The following CEP112 variants were observed in gnomAD, a reference collection of about 807,000 sequenced individuals.
CEP112 encodes centrosomal protein of 112 kDa.
CEP112 carries 127 observed loss-of-function variants against 153.0 expected under a neutral mutation model. That is an observed-to-expected ratio of 0.83 (90% CI 0.72 to 0.96). CEP112 has a LOEUF of 0.96. CEP112 is among the 40% of genes least tolerant of loss of function. The probability of loss-of-function intolerance (pLI) is 0.00; values close to 1 mark genes in which losing one functional copy is unlikely to be tolerated. For missense variants in CEP112, 1,089 were observed against 1,101.2 expected (o/e 0.99, Z 0.16); for synonymous variants, 358 against 374.4 (o/e 0.96, Z 0.51).
intron 23 of CEP112, among the ~76,000 whole-genome samples, chr17:65,734,812 C>T (rs2050706636): frequency 6.6e-6 from 1 of 152,066 alleles, no homozygotes. Context: ...TGTTAATATG[C>T]CAAAACTTGA....
chr17:65,917,937 G>A (rs1348907168), intron 19 of CEP112, among the ~76,000 whole-genome samples: 1 of 152,104 alleles, frequency 6.6e-6, no homozygotes. Flanking sequence ...AGCACTTTGA[G>A]AGGCCAAGGC....
intron 17 of CEP112, among the ~76,000 whole-genome samples, chr17:65,968,867 C>T (rs184566858): frequency 0.013 from 551 of 43,604 alleles, 3 homozygotes; most frequent in South Asian, 0.036. Flanking sequence ...ATTAACTTAC[C>T]ATTTCATATT....
At chr17:65,754,115 A>C (rs1171946349) in intron 21 of CEP112, among the ~76,000 whole-genome samples, 2 of 152,232 alleles carry the variant, frequency 1.3e-5, no homozygotes, top group Non-Finnish European at 2.9e-5. Context: ...TCAATCAAGA[A>C]AGAGAGAGAG....
intron 20 of CEP112, among the ~76,000 whole-genome samples, chr17:65,882,096 GA>G (rs1396646225): frequency 1.3e-5 from 2 of 152,186 alleles, no homozygotes; most frequent in African/African-American, 2.4e-5. Flanking sequence ...AATAAAGGGG[GA>G]AAATTATACT....
intron 24 of CEP112, among the ~76,000 whole-genome samples, chr17:65,653,341 G>A (rs868789443): frequency 1.3e-5 from 2 of 152,196 alleles, no homozygotes; most frequent in African/African-American, 4.8e-5. Flanking sequence ...GGAGGATTAA[G>A]GGAAAATAAC....
intron 12 of CEP112, among the ~76,000 whole-genome samples, chr17:66,030,412 T>A (rs2065414656): frequency 6.6e-6 from 1 of 152,192 alleles, no homozygotes; most frequent in African/African-American, 2.4e-5. Flanking sequence ...TGCGTTTGAT[T>A]TTAAGTTTTT....
chr17:65,805,279 C>A (rs577316910), intron 21 of CEP112, among the ~76,000 whole-genome samples: 2 of 152,144 alleles, frequency 1.3e-5, no homozygotes, highest in Non-Finnish European at 2.9e-5. Context: ...ATCAGAGTTC[C>A]AGTGGCAATG....
intron 21 of CEP112, among the ~76,000 whole-genome samples, chr17:65,784,388 T>A (rs2054161242): frequency 6.6e-6 from 1 of 152,348 alleles, no homozygotes; most frequent in South Asian, 2.1e-4. Flanking sequence ...TATTCATCTT[T>A]CCACTTTAAA....
At chr17:65,948,456 G>T (rs923467219) in intron 18 of CEP112, among the ~76,000 whole-genome samples, 3 of 152,186 alleles carry the variant, frequency 2.0e-5, no homozygotes, top group African/African-American at 4.8e-5. Flanking sequence ...AGATTTAAAA[G>T]ATTTACTTTA....
chr17:66,131,152 T>C (rs2070144490), intron 5 of CEP112, among the ~76,000 whole-genome samples: 1 of 152,198 alleles, frequency 6.6e-6, no homozygotes, highest in Non-Finnish European at 1.5e-5. Context: ...CACTAAAATG[T>C]TCTTCATATT....
At chr17:66,161,239 T>C (rs1364309662) in intron 4 of CEP112, among the ~76,000 whole-genome samples, 1 of 152,010 alleles carries the variant, frequency 6.6e-6, no homozygotes, top group Non-Finnish European at 1.5e-5. Flanking sequence ...TTGGTGGGAG[T>C]GTAAATTAGT....
chr17:66,120,764 G>A (rs1018141231), intron 6 of CEP112, among the ~76,000 whole-genome samples: 1 of 151,936 alleles, frequency 6.6e-6, no homozygotes, highest in Non-Finnish European at 1.5e-5. Flanking sequence ...TGTCAGTCTG[G>A]CTAAAAGTTC....
At chr17:66,109,580 G>A (rs2068931700) in intron 6 of CEP112, among the ~76,000 whole-genome samples, 1 of 151,774 alleles carries the variant, frequency 6.6e-6, no homozygotes, top group African/African-American at 2.4e-5. Context: ...CTGACAAAAT[G>A]ATACCCTAGA....
chr17:66,166,912 A>AAAAAAAC (rs773908204), intron 4 of CEP112, among the ~76,000 whole-genome samples: 4,549 of 150,816 alleles, frequency 0.03, 111 homozygotes, highest in Middle Eastern at 0.055. Flanking sequence ...TCAAAAAAAA[A>AAAAAAAC]AAAAAAAAAA....
intron 8 of CEP112, among the ~76,000 whole-genome samples, chr17:66,090,732 C>G (rs1237250858): frequency 6.6e-6 from 1 of 152,028 alleles, no homozygotes; most frequent in African/African-American, 2.4e-5. Context: ...ATTAAATTCT[C>G]TAATCAAAAG....
intron 23 of CEP112, among the ~76,000 whole-genome samples, chr17:65,727,752 C>G (rs906761045): frequency 2.6e-5 from 4 of 152,146 alleles, no homozygotes; most frequent in African/African-American, 9.7e-5. Context: ...GATTTACAGG[C>G]AGTGCAACAT....
chr17:66,082,328 A>T (rs2067754960), intron 8 of CEP112, among the ~76,000 whole-genome samples: 1 of 152,262 alleles, frequency 6.6e-6, no homozygotes, highest in Admixed American at 6.5e-5. Context: ...GTTAGCAATT[A>T]CAAAGGCAAG....
chr17:65,937,288 T>C (rs1193825531), intron 18 of CEP112, among the ~76,000 whole-genome samples: 1 of 106,822 alleles, frequency 9.4e-6, no homozygotes, highest in Non-Finnish European at 1.9e-5. Flanking sequence ...GTCTGGAAAG[T>C]GAGGAGCATC....
At chr17:65,812,388 G>A (rs1282037531) in intron 21 of CEP112, among the ~76,000 whole-genome samples, 1 of 152,034 alleles carries the variant, frequency 6.6e-6, no homozygotes, top group African/African-American at 2.4e-5. Flanking sequence ...TATTTACATG[G>A]GGAAGAAAAT....
Sources: gnomAD v4.1 joint callset for allele counts (sites outside exome capture counted in the v4.1 genomes callset) on GRCh38, gnomAD v4.1.1 for gene constraint, MANE v1.5 for transcripts, NCBI Gene and HGNC (gene_info 2026-07-23, HGNC 2026-07-21) for gene names.